The following PACRG variants were observed in gnomAD, a reference collection of about 807,000 sequenced individuals.
PACRG encodes parkin coregulated.
Under a neutral mutation model 29.7 loss-of-function variants are expected in PACRG, and 29 were observed. The observed-to-expected ratio is 0.98, with a 90% CI of 0.73 to 1.33. The LOEUF is 1.33. Ranked by LOEUF, PACRG falls within the 40% of genes most tolerant of loss-of-function variation. The probability of loss-of-function intolerance (pLI) is 0.00; values close to 1 mark genes in which losing one functional copy is unlikely to be tolerated. For synonymous variants in PACRG, 116 were observed against 118.7 expected (o/e 0.98, Z 0.15); for missense variants, 279 against 316.2 (o/e 0.88, Z 0.89).
At chr6:162,950,089 T>C (rs1439805557) in intron 2 of PACRG, among the ~76,000 whole-genome samples, 1 of 152,232 alleles carries the variant, frequency 6.6e-6, no homozygotes, top group Non-Finnish European at 1.5e-5. Flanking sequence ...AGAAATCACA[T>C]TATGAATCCT....
At chr6:163,223,069 G>A (rs1421540402) in intron 4 of PACRG, among the ~76,000 whole-genome samples, 1 of 152,158 alleles carries the variant, frequency 6.6e-6, no homozygotes, top group African/African-American at 2.4e-5. Context: ...GTATGATTGT[G>A]TATAACATAC....
At chr6:163,046,113 C>G (rs1809339007) in intron 2 of PACRG, among the ~76,000 whole-genome samples, 1 of 151,832 alleles carries the variant, frequency 6.6e-6, no homozygotes, top group Non-Finnish European at 1.5e-5. Context: ...CATTCCAACT[C>G]AGGCCACCTT....
chr6:162,741,329 A>C (rs546083238), intron 1 of PACRG, among the ~76,000 whole-genome samples: 42 of 152,294 alleles, frequency 2.8e-4, no homozygotes, highest in African/African-American at 1.0e-3. Flanking sequence ...CTGTCATAAC[A>C]CAATACCATA....
At chr6:162,878,254 A>C (rs1392728419) in intron 2 of PACRG, among the ~76,000 whole-genome samples, 1 of 152,234 alleles carries the variant, frequency 6.6e-6, no homozygotes, top group African/African-American at 2.4e-5. Flanking sequence ...ATTATGACAC[A>C]GAAATGAGAT....
At chr6:162,786,385 C>G (rs1453262992) in intron 1 of PACRG, among the ~76,000 whole-genome samples, 1 of 152,202 alleles carries the variant, frequency 6.6e-6, no homozygotes, top group Admixed American at 6.5e-5. Context: ...CACAGCTAGA[C>G]TACATTTCCC....
At chr6:162,770,636 T>C (rs966628042) in intron 1 of PACRG, among the ~76,000 whole-genome samples, 2 of 152,180 alleles carry the variant, frequency 1.3e-5, no homozygotes, top group Admixed American at 1.3e-4. Context: ...ATTATTGTTA[T>C]ATACACCTGC....
chr6:163,264,050 G>T (rs1440341960), intron 4 of PACRG, among the ~76,000 whole-genome samples: 1 of 152,160 alleles, frequency 6.6e-6, no homozygotes, highest in Non-Finnish European at 1.5e-5. Context: ...ATACTTGAGG[G>T]AGTTGAGAGT....
At chr6:163,015,003 T>C (rs919559148) in intron 2 of PACRG, among the ~76,000 whole-genome samples, 2 of 152,176 alleles carry the variant, frequency 1.3e-5, no homozygotes, top group African/African-American at 4.8e-5. Flanking sequence ...AATTCTCAAT[T>C]CATCTTGAGT....
chr6:163,290,292 A>ACT (rs1784553888), intron 4 of PACRG, among the ~76,000 whole-genome samples: 11 of 106,664 alleles, frequency 1.0e-4, no homozygotes, highest in Admixed American at 9.5e-4. Flanking sequence ...ACACACACAC[A>ACT]CACACACACA....
chr6:163,237,881 C>G (rs1216066080), intron 4 of PACRG, among the ~76,000 whole-genome samples: 1 of 152,156 alleles, frequency 6.6e-6, no homozygotes, highest in Non-Finnish European at 1.5e-5. Context: ...TTCCCATTGT[C>G]CTGTTTGACA....
chr6:163,185,189 TGGA>T (rs1208513685), intron 4 of PACRG, among the ~76,000 whole-genome samples: 1 of 149,074 alleles, frequency 6.7e-6, no homozygotes, highest in Non-Finnish European at 1.5e-5. Context: ...GAGAGAAAGA[TGGA>T]GGAGGAGTGC....
chr6:162,862,765 C>G (rs1270993251), intron 2 of PACRG, among the ~76,000 whole-genome samples: 1 of 152,138 alleles, frequency 6.6e-6, no homozygotes, highest in African/African-American at 2.4e-5. Context: ...TGAAGAGAGC[C>G]ACTTTGGGGA....
At chr6:163,037,356 G>C (rs894572624) in intron 2 of PACRG, among the ~76,000 whole-genome samples, 37 of 152,250 alleles carry the variant, frequency 2.4e-4, no homozygotes, top group East Asian at 2.1e-3. Flanking sequence ...ACAAATGTTC[G>C]GCTGAGCTCC....
At position 163,206,712 on chromosome 6, in the gene PACRG, A is replaced by C. The variant is rs943180053; in HGVS notation, c.614-108115A>C. On this transcript the variant is annotated intron_variant, in intron 4 of 4. Coordinates refer to ENST00000366888, the MANE Select transcript of PACRG (RefSeq NM_001080379.2). ...TAGAAGAAAAGGAAAGTAAACCCCC[A>C]AAAAAGAAATATTTCTCAGACTCTT... Among the ~76,000 whole-genome samples, 8 of 151,128 alleles carry C rather than the reference A, an allele frequency of 5.3e-5. No individual in the cohort carries two copies. In the East Asian group the frequency reaches 7.8e-4, roughly 15 times the overall value.
At chr6:163,312,949 C>G (rs1184389824) in intron 4 of PACRG, 1 of 247,850 alleles carries the variant, frequency 4.0e-6, no homozygotes, top group Non-Finnish European at 8.1e-6. Flanking sequence ...GAGATGGGGT[C>G]TTGCTGTTGT....
At chr6:162,742,716 C>T (rs1348788575) in intron 1 of PACRG, among the ~76,000 whole-genome samples, 1 of 151,956 alleles carries the variant, frequency 6.6e-6, no homozygotes, top group African/African-American at 2.4e-5. Context: ...ATATGCTACA[C>T]TTTCTTTAAC....
At chr6:163,175,824 T>C (rs1779327962) in intron 4 of PACRG, among the ~76,000 whole-genome samples, 1 of 151,922 alleles carries the variant, frequency 6.6e-6, no homozygotes. Context: ...AATCCCAGCA[T>C]TTTTAACTCA....
At chr6:162,816,312 T>G (rs1228499217) in intron 2 of PACRG, among the ~76,000 whole-genome samples, 1 of 152,182 alleles carries the variant, frequency 6.6e-6, no homozygotes, top group East Asian at 1.9e-4. Flanking sequence ...TTAATTGCAT[T>G]ACTGTAACAC....
intron 4 of PACRG, among the ~76,000 whole-genome samples, chr6:163,138,605 C>G (rs1202662736): frequency 6.6e-6 from 1 of 152,194 alleles, no homozygotes; most frequent in East Asian, 1.9e-4. Flanking sequence ...CTCTGAGGAT[C>G]TGATGCTGCT....
Sources: gnomAD v4.1 joint callset for allele counts (sites outside exome capture counted in the v4.1 genomes callset) on GRCh38, gnomAD v4.1.1 for gene constraint, MANE v1.5 for transcripts, NCBI Gene and HGNC (gene_info 2026-07-23, HGNC 2026-07-21) for gene names.